Variants in NFATC1 observed in about 807,000 individuals in gnomAD.
The protein encoded by NFATC1 is nuclear factor of activated T-cells, cytoplasmic 1.
In NFATC1, 22 loss-of-function variants were observed where a neutral mutation model predicts 76.0. That is an observed-to-expected ratio of 0.29 (90% CI 0.21 to 0.41). The LOEUF (loss-of-function observed/expected upper bound fraction) is 0.41, where lower values mean the gene tolerates loss of function less well. Ranked by LOEUF, NFATC1 falls within the 10% of genes least tolerant of loss-of-function variation. NFATC1 has a pLI of 1.00. For synonymous variants in NFATC1, 704 were observed against 613.1 expected (o/e 1.15, Z -2.19); for missense variants, 1,357 against 1,337.7 (o/e 1.01, Z -0.23).
At position 79,410,300 on chromosome 18, in the gene NFATC1, C is replaced by T. The variant is rs555598806; in HGVS notation, c.128-103C>T. On this transcript the variant is annotated intron_variant, in intron 1 of 9. Transcript: ENST00000427363. The surrounding 1 kb of genome is among the most constrained non-coding windows in gnomAD (Gnocchi z 6.7). ...TTTGCTGAGGCCCGCTCCTTGGGGT[C>T]CGTTGGTCGAGGCCGGGGGTTGCTG... is the stretch of plus-strand genomic sequence containing the variant. 2.6e-6 allele frequency: 4 copies of T among 1,509,652 alleles called. No homozygotes were observed. Among genetic ancestry groups the T allele is most frequent in the Admixed American group, 4.1e-5 (2 of 48,606 alleles). 93.5% of individuals were successfully genotyped at this position (1,509,652 alleles called of 1,614,324 possible).
intron 9 of NFATC1, among the ~76,000 whole-genome samples, chr18:79,504,548 A>G (rs2090082707): frequency 6.6e-6 from 1 of 152,242 alleles, no homozygotes; most frequent in Non-Finnish European, 1.5e-5. Flanking sequence ...CGCAGCAGAT[A>G]TGATAGCAAT....
intron 9 of NFATC1, chr18:79,498,183 A>G (rs2145125454): frequency 6.6e-6 from 1 of 152,320 alleles, no homozygotes; most frequent in Admixed American, 6.5e-5. Context: ...CATCCACAGG[A>G]AGAAAAATCT....
intron 3 of NFATC1, among the ~76,000 whole-genome samples, chr18:79,444,235 T>C (rs2087102383): frequency 6.6e-6 from 1 of 152,078 alleles, no homozygotes; most frequent in South Asian, 2.1e-4. Flanking sequence ...TGGGGGGGTG[T>C]GCACATTTCC....
At chr18:79,424,494 T>G (rs112217063) in intron 2 of NFATC1, among the ~76,000 whole-genome samples, 1 of 151,972 alleles carries the variant, frequency 6.6e-6, no homozygotes, top group Non-Finnish European at 1.5e-5. Flanking sequence ...TCTCCATCTC[T>G]GTCTCTCTCC....
intron 9 of NFATC1, among the ~76,000 whole-genome samples, chr18:79,525,749 T>C (rs1223076216): frequency 6.6e-6 from 1 of 152,230 alleles, no homozygotes; most frequent in Non-Finnish European, 1.5e-5. Flanking sequence ...GCCCAGTCTC[T>C]TCATGCATTG....
At chr18:79,478,697 GTC>G (rs2089170523) in intron 8 of NFATC1, among the ~76,000 whole-genome samples, 1 of 152,204 alleles carries the variant, frequency 6.6e-6, no homozygotes, top group Non-Finnish European at 1.5e-5. Flanking sequence ...CACTGCCTGC[GTC>G]TGTGGCCAGA....
chr18:79,488,904 T>C (rs1017728622), intron 9 of NFATC1, among the ~76,000 whole-genome samples: 2 of 143,390 alleles, frequency 1.4e-5, no homozygotes, highest in Non-Finnish European at 3.1e-5. Flanking sequence ...ATGTTTCTGC[T>C]GCCCTGTGGC....
chr18:79,490,010 A>G (rs2089630110), intron 9 of NFATC1, among the ~76,000 whole-genome samples: 1 of 152,210 alleles, frequency 6.6e-6, no homozygotes, highest in South Asian at 2.1e-4. Context: ...TCCACCTGTG[A>G]GGTCCCTCGA....
chr18:79,467,121 G>A (rs1249446916), intron 7 of NFATC1, among the ~76,000 whole-genome samples: 1 of 152,246 alleles, frequency 6.6e-6, no homozygotes. Flanking sequence ...GTGCTGCTCT[G>A]AGGAAGCCTC....
chr18:79,413,156 A>G (rs1409944497), intron 2 of NFATC1, among the ~76,000 whole-genome samples: 1 of 152,162 alleles, frequency 6.6e-6, no homozygotes, highest in African/African-American at 2.4e-5. Context: ...GTCGTCCATC[A>G]CCGCGGAACT....
At chr18:79,413,813 T>C (rs975139685) in intron 2 of NFATC1, among the ~76,000 whole-genome samples, 1 of 152,122 alleles carries the variant, frequency 6.6e-6, no homozygotes, top group Non-Finnish European at 1.5e-5. Context: ...CTGTGTTTGG[T>C]GTGGAGGTTG....
At position 79,464,672 on chromosome 18, in the gene NFATC1, A is replaced by ACGTATATATATACACACATG. The variant is rs1568994529; in HGVS notation, c.1960-2778_1960-2777insCGTATATATATACACACATG. On this transcript the variant is annotated intron_variant, in intron 7 of 9. Transcript: ENST00000427363. ...TTTGTGTGTGTGTGTGTGTGTGTGT[A>ACGTATATATATACACACATG]TATGTATGTGTATATATATATATTT... 3.0e-4 allele frequency among the ~76,000 whole-genome samples: 31 copies of ACGTATATATATACACACATG among 104,118 alleles called. 6 individuals are homozygous for ACGTATATATATACACACATG. The highest frequency in any genetic ancestry group is 3.5e-4 in the Non-Finnish European group (17 of 48,476). 68.3% of individuals were successfully genotyped at this position (104,118 alleles called of 152,430 possible).
intron 9 of NFATC1, among the ~76,000 whole-genome samples, chr18:79,511,577 C>T (rs551479084): frequency 2.6e-5 from 4 of 152,110 alleles, no homozygotes; most frequent in Non-Finnish European, 2.9e-5. Context: ...CCAGGATGTA[C>T]GTAGCCTGAG....
chr18:79,486,132 CAG>C (rs2089486372), intron 8 of NFATC1, 114 bp from the exon 9 acceptor site: 2 of 875,588 alleles, frequency 2.3e-6, no homozygotes, highest in Admixed American at 2.3e-5. Context: ...AGGCAGGAGA[CAG>C]AGGGACCCAG....
intron 9 of NFATC1, among the ~76,000 whole-genome samples, chr18:79,519,500 T>C (rs1383737593): frequency 1.3e-5 from 2 of 151,686 alleles, no homozygotes; most frequent in Non-Finnish European, 2.9e-5. Flanking sequence ...GTCTGGCTAA[T>C]TTTTACATTT....
chr18:79,396,103 G>C lies in NFATC1; in HGVS notation c.-122G>C, dbSNP rs71359461. On this transcript the variant is annotated 5_prime_UTR_variant, in exon 1 of 10. Coordinates refer to ENST00000427363, the MANE Select transcript of NFATC1 (RefSeq NM_001278669.2). The stretch of plus-strand genomic sequence containing the variant: ...CACGCCCCTCGATGACTTTCCTCCG[G>C]GGCGCGCGGCGCTGAGCCCGGGGCG... 520,665 of 1,148,682 alleles carry C rather than the reference G, an allele frequency of 0.45. 121,994 individuals are homozygous for C. Among genetic ancestry groups the C allele is most frequent in the Non-Finnish European group, 0.48 (442,598 of 921,290 alleles). The allele number at this position is 1,148,682 out of a possible 1,614,324, so 71.2% of individuals were successfully genotyped here.
At chr18:79,443,286 C>A (rs912794543) in intron 3 of NFATC1, among the ~76,000 whole-genome samples, 4 of 152,242 alleles carry the variant, frequency 2.6e-5, no homozygotes, top group African/African-American at 9.7e-5. Flanking sequence ...TATGGACACA[C>A]ACCTGCACGC....
chr18:79,446,904 T>C (rs1261313028), intron 3 of NFATC1, among the ~76,000 whole-genome samples: 2 of 152,194 alleles, frequency 1.3e-5, no homozygotes, highest in African/African-American at 4.8e-5. Context: ...CCTCTGGCTT[T>C]GTGTTTCAGA....
intron 3 of NFATC1, among the ~76,000 whole-genome samples, chr18:79,440,953 G>A (rs1186047534): frequency 4.6e-5 from 7 of 152,212 alleles, no homozygotes; most frequent in Non-Finnish European, 1.0e-4. Context: ...GCGTGTGCCC[G>A]TCTGGGCTGG....
Sources: gnomAD v4.1 joint callset for allele counts (sites outside exome capture counted in the v4.1 genomes callset) on GRCh38, gnomAD v4.1.1 for gene constraint, Gnocchi (gnomAD v3.1) non-coding constraint, MANE v1.5 for transcripts, NCBI Gene and HGNC (gene_info 2026-07-23, HGNC 2026-07-21) for gene names.